The following PTPRD variants were observed in gnomAD, a reference collection of about 807,000 sequenced individuals.
PTPRD encodes the protein protein tyrosine phosphatase receptor type D.
PTPRD carries 34 observed loss-of-function variants against 214.5 expected under a neutral mutation model. The ratio of observed to expected loss-of-function variants is 0.16; its 90% CI spans 0.12 to 0.21. The LOEUF is 0.21. Ranked by LOEUF, PTPRD falls within the 10% of genes least tolerant of loss-of-function variation. PTPRD has a pLI of 1.00. For synonymous variants in PTPRD, 1,128 were observed against 845.7 expected, an observed-to-expected ratio of 1.33 and a Z score of -5.79; for missense variants, 2,545 against 2,398.7, an observed-to-expected ratio of 1.06 and a Z score of -1.27.
At chr9:10,490,906 G>C (rs1272401467) in intron 2 of PTPRD, among the ~76,000 whole-genome samples, 1 of 152,086 alleles carries the variant, frequency 6.6e-6, no homozygotes, top group Admixed American at 6.6e-5. Context: ...TTAAATTCTG[G>C]AAGAATAGGT....
At chr9:9,081,235 C>T (rs193073639) in intron 10 of PTPRD, among the ~76,000 whole-genome samples, 472 of 152,146 alleles carry the variant, frequency 3.1e-3, no homozygotes, top group Non-Finnish European at 5.3e-3. Flanking sequence ...TTTATTTCTG[C>T]CTTAATTTCA....
chr9:10,428,833 G>T (rs73406160), intron 2 of PTPRD, among the ~76,000 whole-genome samples: 7,726 of 152,082 alleles, frequency 0.051, 687 homozygotes, highest in African/African-American at 0.17. Context: ...TATTCCTCTT[G>T]ATTTGAGGAA....
At chr9:9,792,809 T>C (rs941104110) in intron 5 of PTPRD, among the ~76,000 whole-genome samples, 1 of 152,130 alleles carries the variant, frequency 6.6e-6, no homozygotes, top group African/African-American at 2.4e-5. Context: ...CTGGGACAGG[T>C]GTTAATTTCA....
At chr9:10,518,634 G>A (rs368742163) in intron 2 of PTPRD, among the ~76,000 whole-genome samples, 27 of 151,640 alleles carry the variant, frequency 1.8e-4, no homozygotes, top group South Asian at 4.2e-4. Context: ...CCAGGTTCAC[G>A]CCATTCTGCT....
At chr9:10,455,418 C>G (rs2098903877) in intron 2 of PTPRD, among the ~76,000 whole-genome samples, 1 of 151,678 alleles carries the variant, frequency 6.6e-6, no homozygotes. Context: ...GCAAAAACGT[C>G]TAGCTCTATA....
At chr9:10,491,254 T>G (rs888909661) in intron 2 of PTPRD, among the ~76,000 whole-genome samples, 7 of 152,172 alleles carry the variant, frequency 4.6e-5, no homozygotes, top group Non-Finnish European at 7.4e-5. Context: ...TAATCACATA[T>G]TATTAGCTTA....
intron 11 of PTPRD, among the ~76,000 whole-genome samples, chr9:8,938,446 A>G (rs151056540): frequency 9.7e-4 from 147 of 152,264 alleles, no homozygotes; most frequent in African/African-American, 3.5e-3. Context: ...CGGCCAAAAT[A>G]TACCCCATTA....
In PTPRD at chr9:9,336,168, A is replaced by G. The variant is rs182881845; in HGVS notation, c.-203+61281T>C. 9.7e-4 allele frequency among the ~76,000 whole-genome samples: 145 copies of G among 149,450 alleles called. No homozygotes were observed. The Middle Eastern group carries it at 0.034, about 35-fold the overall frequency. On this transcript the variant is annotated intron_variant, in intron 9 of 45. Coordinates refer to ENST00000381196, the MANE Select transcript of PTPRD (RefSeq NM_002839.4). ...TAACCGCCTCATAAGAGAAACAAAG[A>G]TAGGCTCTTTGATGTATCTTTCTAA...
intron 3 of PTPRD, among the ~76,000 whole-genome samples, chr9:10,278,893 G>C (rs2094906339): frequency 6.6e-6 from 1 of 152,020 alleles, no homozygotes; most frequent in Non-Finnish European, 1.5e-5. Context: ...TCCTGCCTCA[G>C]CCTCCCGAGT....
chr9:10,029,952 G>A (rs557967569), intron 4 of PTPRD, among the ~76,000 whole-genome samples: 1 of 152,114 alleles, frequency 6.6e-6, no homozygotes, highest in South Asian at 2.1e-4. Context: ...AATCATGGGG[G>A]CGGGTCTTTT....
intron 2 of PTPRD, among the ~76,000 whole-genome samples, chr9:10,352,006 A>G (rs540891665): frequency 2.6e-5 from 4 of 152,108 alleles, no homozygotes; most frequent in African/African-American, 9.6e-5. Context: ...GGTAAATCCT[A>G]TTTCATTAAG....
chr9:9,300,273 C>A (rs565415775), intron 9 of PTPRD, among the ~76,000 whole-genome samples: 2 of 151,594 alleles, frequency 1.3e-5, no homozygotes, highest in African/African-American at 4.8e-5. Context: ...AATAGTCCAT[C>A]CCCTGCTTCT....
intron 2 of PTPRD, among the ~76,000 whole-genome samples, chr9:10,581,026 T>A (rs1177120939): frequency 6.6e-6 from 1 of 152,180 alleles, no homozygotes; most frequent in Non-Finnish European, 1.5e-5. Context: ...CCTGGCTGCA[T>A]GTGTTCCCAT....
intron 33 of PTPRD, among the ~76,000 whole-genome samples, chr9:8,458,172 ATTT>A (rs2082403921): frequency 6.6e-6 from 1 of 152,168 alleles, no homozygotes; most frequent in Non-Finnish European, 1.5e-5. Context: ...ATGCTACTCT[ATTT>A]TAACAGAGTC....
chr9:9,319,181 CAG>C (rs1965102406), intron 9 of PTPRD, among the ~76,000 whole-genome samples: 2 of 152,158 alleles, frequency 1.3e-5, no homozygotes, highest in African/African-American at 2.4e-5. Flanking sequence ...CCCTTGAAAA[CAG>C]AATGAATGAA....
chr9:9,676,674 T>C (rs1192859756), intron 7 of PTPRD, among the ~76,000 whole-genome samples: 1 of 152,168 alleles, frequency 6.6e-6, no homozygotes, highest in East Asian at 1.9e-4. Flanking sequence ...ATGGTATTTC[T>C]AGTTCTAGAT....
At chr9:9,569,128 AT>A (rs1187157242) in intron 8 of PTPRD, among the ~76,000 whole-genome samples, 1 of 151,786 alleles carries the variant, frequency 6.6e-6, no homozygotes, top group Non-Finnish European at 1.5e-5. Flanking sequence ...TGTCATTGTC[AT>A]CATCTGCAGC....
At chr9:10,530,402 A>T (rs1438167033) in intron 2 of PTPRD, among the ~76,000 whole-genome samples, 1 of 152,230 alleles carries the variant, frequency 6.6e-6, no homozygotes, top group African/African-American at 2.4e-5. Flanking sequence ...ATGCAAATGG[A>T]GTACATCTTT....
chr9:9,998,077 G>A (rs953113755), intron 4 of PTPRD, among the ~76,000 whole-genome samples: 32 of 142,478 alleles, frequency 2.2e-4, no homozygotes, highest in African/African-American at 8.2e-4. Flanking sequence ...ACACAAACCT[G>A]CACGCTGTGC....
Sources: allele counts gnomAD v4.1 joint callset (sites outside exome capture counted in the v4.1 genomes callset), GRCh38; gene constraint gnomAD v4.1.1; transcripts MANE v1.5; gene names NCBI Gene and HGNC (gene_info 2026-07-23, HGNC 2026-07-21).